The following VWA3B variants were observed in gnomAD, a reference collection of about 807,000 sequenced individuals.
VWA3B encodes the protein von Willebrand factor A domain-containing protein 3B.
A neutral mutation model predicts 158.3 loss-of-function variants in VWA3B; 138 were observed. The ratio of observed to expected loss-of-function variants is 0.87; its 90% CI spans 0.76 to 1.00. VWA3B has a LOEUF of 1.00. VWA3B is among the 50% of genes least tolerant of loss of function. The pLI is 0.00. For synonymous variants in VWA3B, 596 were observed against 587.3 expected, an observed-to-expected ratio of 1.01 and a Z score of -0.21; for missense variants, 1,555 against 1,565.1, an observed-to-expected ratio of 0.99 and a Z score of 0.11.
chr2:98,313,889 A>G (rs1691030743), downstream of VWA3B, among the ~76,000 whole-genome samples: 1 of 152,226 alleles, frequency 6.6e-6, no homozygotes, highest in African/African-American at 2.4e-5. Context: ...GATAGTGCCT[A>G]CTTCAGTGTA....
At chr2:98,087,979 T>A (rs1681982590) in intron 1 of VWA3B, among the ~76,000 whole-genome samples, 1 of 152,236 alleles carries the variant, frequency 6.6e-6, no homozygotes, top group Non-Finnish European at 1.5e-5. Context: ...TTCTTGACTA[T>A]TTTCTCAACG....
intron 2 of VWA3B, among the ~76,000 whole-genome samples, chr2:98,096,331 C>T (rs189269556): frequency 1.4e-4 from 22 of 151,904 alleles, no homozygotes; most frequent in East Asian, 1.4e-3. Flanking sequence ...TGCAGTGGCA[C>T]GATTTTGGCT....
chr2:98,106,754 CA>C (rs1317174293), intron 2 of VWA3B, among the ~76,000 whole-genome samples: 3 of 152,078 alleles, frequency 2.0e-5, no homozygotes, highest in African/African-American at 7.2e-5. Flanking sequence ...GTGATCTTGC[CA>C]AACTCACTTA....
intron 2 of VWA3B, among the ~76,000 whole-genome samples, chr2:98,100,545 T>C (rs1173783077): frequency 2.0e-5 from 3 of 152,360 alleles, no homozygotes; most frequent in South Asian, 2.1e-4. Flanking sequence ...ATGGTCACTG[T>C]AGTCAGCCAG....
the VWA3B span, among the ~76,000 whole-genome samples, chr2:98,329,353 G>A: frequency 9.9e-5 from 15 of 152,036 alleles, no homozygotes; most frequent in African/African-American, 1.4e-4. Flanking sequence ...ATTAAAATTC[G>A]AAACTTCTAC....
At chr2:98,194,303 C>T (rs1681846072) in intron 11 of VWA3B, 58 bp from the exon 12 acceptor site, 1 of 1,578,346 alleles carries the variant, frequency 6.3e-7, no homozygotes, top group Non-Finnish European at 8.7e-7. Context: ...TGTGGCCTAC[C>T]CAAACCCTTT....
chr2:98,312,542 T>C lies in VWA3B; in HGVS notation c.*193T>C. 1 of 627,720 alleles carries C rather than the reference T, an allele frequency of 1.6e-6. No homozygotes were observed. Among genetic ancestry groups the C allele is most frequent in the East Asian group, 2.8e-5 (1 of 35,338 alleles). 38.9% of individuals were successfully genotyped at this position (627,720 alleles called of 1,614,324 possible). A position where few individuals can be genotyped will look rare whatever the true frequency, so the allele number is the denominator to read the frequency against. On this transcript the variant is annotated 3_prime_UTR_variant, in exon 28 of 28. Coordinates refer to ENST00000477737, the MANE Select transcript of VWA3B (RefSeq NM_144992.5). Reference sequence around the variant, plus strand: ...TCCCCTACCCGTTTGACGACTTGGTTCTGGCTTTTTCTGACTGTTCTTTAT... The same window carrying C: ...TCCCCTACCCGTTTGACGACTTGGTCCTGGCTTTTTCTGACTGTTCTTTAT...
chr2:98,308,602 G>A (rs771579131), intron 26 of VWA3B, among the ~76,000 whole-genome samples: 47 of 152,334 alleles, frequency 3.1e-4, no homozygotes, highest in African/African-American at 9.9e-4. Flanking sequence ...CTCCCCTGGC[G>A]TCCCGTTCCC....
At chr2:98,204,338 A>G (rs559283611) in intron 12 of VWA3B, among the ~76,000 whole-genome samples, 1 of 152,364 alleles carries the variant, frequency 6.6e-6, no homozygotes, top group African/African-American at 2.4e-5. Context: ...CTTTTTCCCA[A>G]TCATAAAGGG....
At chr2:98,219,820 G>A (rs1684338203) in intron 14 of VWA3B, among the ~76,000 whole-genome samples, 1 of 152,148 alleles carries the variant, frequency 6.6e-6, no homozygotes, top group Non-Finnish European at 1.5e-5. Context: ...TAGAGCCTAT[G>A]CGGACTGAAA....
chr2:98,249,377 A>T (rs1403741630), intron 19 of VWA3B, among the ~76,000 whole-genome samples: 1 of 152,180 alleles, frequency 6.6e-6, no homozygotes, highest in East Asian at 1.9e-4. Flanking sequence ...ATAAAGTTAC[A>T]GTTACTATCA....
At chr2:98,152,666 A>G (rs1375924813) in intron 7 of VWA3B, among the ~76,000 whole-genome samples, 1 of 152,236 alleles carries the variant, frequency 6.6e-6, no homozygotes, top group African/African-American at 2.4e-5. Flanking sequence ...TAGAGTAAAC[A>G]TCTTCCCTGA....
At chr2:98,133,533 G>C in intron 6 of VWA3B, 1 of 377,344 alleles carries the variant, frequency 2.7e-6, no homozygotes, top group East Asian at 5.1e-5. Context: ...TATAAGCATA[G>C]AGTGTCATTT....
chr2:98,311,993 C>T lies in VWA3B; in HGVS notation c.3696C>T (p.Ser1232=), dbSNP rs771528358. The T allele has an allele frequency of 1.4e-5, 22 of 1,603,922 alleles. No homozygotes were observed. Among genetic ancestry groups the T allele is most frequent in the Non-Finnish European group, 1.9e-5 (22 of 1,175,174 alleles). ...SDSDGSSHGI[S]SHGSCQGTHP... ...CGGACGGCTCCTCCCACGGCATCAG[C>T]TCCCATGGGTCCTGCCAGGGGACAC... The change falls in exon 27 of 28, where the codon AGC becomes AGT. Residue 1232 remains serine, a synonymous_variant. Coordinates refer to ENST00000477737, the MANE Select transcript of VWA3B (RefSeq NM_144992.5).
intron 7 of VWA3B, among the ~76,000 whole-genome samples, chr2:98,136,957 T>C (rs1303899987): frequency 6.6e-6 from 1 of 152,242 alleles, no homozygotes; most frequent in Non-Finnish European, 1.5e-5. Flanking sequence ...TCAAGCTTCA[T>C]CTATGTTGTA....
intron 8 of VWA3B, among the ~76,000 whole-genome samples, chr2:98,166,049 T>C (rs1456698548): frequency 1.3e-5 from 2 of 151,970 alleles, no homozygotes; most frequent in African/African-American, 4.8e-5. Context: ...AAAAAGGTAA[T>C]TAAGGGACCA....
At chr2:98,165,465 G>A (rs1236631919) in intron 8 of VWA3B, among the ~76,000 whole-genome samples, 6 of 152,078 alleles carry the variant, frequency 3.9e-5, no homozygotes, top group East Asian at 1.9e-4. Context: ...AAAGCTCCCC[G>A]GGTGATCCTA....
chr2:98,204,305 A>G lies in VWA3B; in HGVS notation c.1738-7625A>G, dbSNP rs542729296. The stretch of plus-strand genomic sequence containing the variant: ...ACTTCCAGTACTACATTGAATAGGT[A>G]TGTTGAGAGCAGACATACTTGCCTT... On this transcript the variant is annotated intron_variant, in intron 12 of 27. Transcript: ENST00000477737. Among the ~76,000 whole-genome samples the G allele has an allele frequency of 4.6e-5, 7 of 152,366 alleles. No individual in the cohort carries two copies. The East Asian group carries it at 1.3e-3, about 29-fold the overall frequency.
rs527737988 is a variant in VWA3B at position 98,296,464 on chromosome 2, C to T, written c.3158-1443C>T. 5.3e-5 allele frequency among the ~76,000 whole-genome samples: 8 copies of T among 152,232 alleles called. No homozygotes were observed. In the South Asian group the frequency reaches 1.2e-3, roughly 24 times the overall value. ...AAAACCCAAAGTAAACATTTTAGTC[C>T]GATCAGAAAACACACAATGGTAAGC... On this transcript the variant is annotated intron_variant, in intron 23 of 27. Coordinates refer to ENST00000477737, the MANE Select transcript of VWA3B (RefSeq NM_144992.5).
Sources: allele counts gnomAD v4.1 joint callset (sites outside exome capture counted in the v4.1 genomes callset), GRCh38; gene constraint gnomAD v4.1.1; transcripts MANE v1.5; gene names NCBI Gene and HGNC (gene_info 2026-07-23, HGNC 2026-07-21).